NIPBL: variants seen among roughly 807,000 people sequenced by gnomAD.
NIPBL encodes nipped-B-like protein.
A neutral mutation model predicts 321.8 loss-of-function variants in NIPBL; 19 were observed. That is an observed-to-expected ratio of 0.06 (90% CI 0.04 to 0.09). NIPBL has a LOEUF of 0.09. NIPBL is among the 10% of genes least tolerant of loss of function. NIPBL has a pLI of 1.00. For synonymous variants in NIPBL, 1,106 were observed against 1,114.1 expected (o/e 0.99, Z 0.14); for missense variants, 2,210 against 3,327.0 (o/e 0.66, Z 8.26).
In NIPBL at chr5:36,995,056, G is replaced by T. The variant is rs147882915; in HGVS notation, c.3122-566G>T. The T allele has an allele frequency of 2.0e-5, 3 of 152,516 alleles. No homozygotes were observed. The East Asian group carries it at 5.8e-4, about 29-fold the overall frequency. The allele number at this position is 152,516 out of a possible 1,614,324, so 9.4% of individuals were successfully genotyped here. A position where few individuals can be genotyped will look rare whatever the true frequency, so the allele number is the denominator to read the frequency against. On this transcript the variant is annotated intron_variant, in intron 10 of 46. Transcript: ENST00000282516. ...GAAGAAGTTCTCCGTAATGCTAAAGGCATTACCATGCCCTCAAATAGACAG... is the reference window on the plus strand; with the variant it reads ...GAAGAAGTTCTCCGTAATGCTAAAGTCATTACCATGCCCTCAAATAGACAG...
intron 1 of NIPBL, among the ~76,000 whole-genome samples, chr5:36,913,212 G>A (rs148146147): frequency 6.6e-6 from 1 of 152,198 alleles, no homozygotes; most frequent in East Asian, 1.9e-4. Flanking sequence ...ATTTATTGTT[G>A]TATAGGAGAA....
chr5:37,054,363 C>G (rs1753881385), intron 42 of NIPBL, among the ~76,000 whole-genome samples: 1 of 152,108 alleles, frequency 6.6e-6, no homozygotes, highest in Non-Finnish European at 1.5e-5. Context: ...ATATCATTAT[C>G]AGTATTAAGT....
intron 3 of NIPBL, 69 bp from the exon 4 acceptor site, chr5:36,958,033 CTT>C: frequency 7.1e-7 from 1 of 1,414,236 alleles, no homozygotes; most frequent in Non-Finnish European, 9.9e-7. Context: ...GTGTGATTTA[CTT>C]TTATATGATA....
intron 32 of NIPBL, among the ~76,000 whole-genome samples, chr5:37,032,756 C>T (rs1040974540): frequency 1.1e-4 from 17 of 152,114 alleles, no homozygotes; most frequent in Admixed American, 1.0e-3. Context: ...TTCTGGGGAA[C>T]AGAGTGAGAC....
intron 37 of NIPBL, among the ~76,000 whole-genome samples, 179 bp from the exon 38 acceptor site, chr5:37,045,930 T>G (rs1202488099): frequency 6.6e-6 from 1 of 152,348 alleles, no homozygotes; most frequent in East Asian, 1.9e-4. Flanking sequence ...GAAACAAGCT[T>G]CTTTGTCACA....
intron 38 of NIPBL, among the ~76,000 whole-genome samples, chr5:37,047,134 G>C (rs1561209059): frequency 6.6e-6 from 1 of 152,140 alleles, no homozygotes; most frequent in Non-Finnish European, 1.5e-5. Flanking sequence ...TAGATTATAT[G>C]CAAATACTAC....
chr5:36,910,088 G>C (rs1219809376), intron 1 of NIPBL, among the ~76,000 whole-genome samples: 6 of 150,168 alleles, frequency 4.0e-5, no homozygotes, highest in African/African-American at 1.5e-4. Flanking sequence ...AAAAAAAAAA[G>C]AATGTTATGA....
intron 6 of NIPBL, among the ~76,000 whole-genome samples, chr5:36,968,261 A>G (rs1490545368): frequency 6.6e-6 from 1 of 152,124 alleles, no homozygotes; most frequent in African/African-American, 2.4e-5. Context: ...AAGAGCATTC[A>G]GAAAGATTCA....
At chr5:37,000,928 C>T (rs375929516) in intron 13 of NIPBL, 40 bp downstream of exon 13, 31 of 1,587,504 alleles carry the variant, frequency 2.0e-5, no homozygotes, top group Non-Finnish European at 2.7e-5. Context: ...TATTCATATT[C>T]TTCAGCTTCA....
chr5:36,933,228 A>C (rs1198796902), intron 1 of NIPBL, among the ~76,000 whole-genome samples: 2 of 152,058 alleles, frequency 1.3e-5, no homozygotes, highest in Admixed American at 6.6e-5. Flanking sequence ...TATTTTTAGC[A>C]GTGTCATATT....
At chr5:37,013,293 G>A (rs1748440951) in intron 21 of NIPBL, among the ~76,000 whole-genome samples, 1 of 150,048 alleles carries the variant, frequency 6.7e-6, no homozygotes, top group Admixed American at 6.6e-5. Context: ...GGCCAGGCGG[G>A]GGGCTGACCC....
intron 34 of NIPBL, among the ~76,000 whole-genome samples, chr5:37,040,890 T>C (rs1290239767): frequency 1.3e-5 from 2 of 152,232 alleles, no homozygotes; most frequent in Admixed American, 1.3e-4. Flanking sequence ...TAATTCATTA[T>C]TGCTTCAGTT....
intron 11 of NIPBL, 69 bp from the exon 12 acceptor site, chr5:37,000,304 T>G: frequency 6.8e-7 from 1 of 1,480,156 alleles, no homozygotes; most frequent in South Asian, 1.2e-5. Context: ...TGTGATTCAT[T>G]TGTAAAGTAC....
intron 1 of NIPBL, chr5:36,886,367 A>G: frequency 1.4e-6 from 1 of 720,386 alleles, no homozygotes; most frequent in South Asian, 1.4e-5. Flanking sequence ...GAAGATGGCA[A>G]GAACTTCAGT....
In NIPBL at chr5:36,954,462, T is replaced by C. The variant is rs375846196; in HGVS notation, c.64+702T>C. Among the ~76,000 whole-genome samples, 19 of 152,286 alleles carry C rather than the reference T, an allele frequency of 1.2e-4. No homozygotes were observed. The Middle Eastern group carries it at 0.01, about 82-fold the overall frequency. On this transcript the variant is annotated intron_variant, in intron 2 of 46. Transcript: ENST00000282516. ...GCGTAACTAGTTTATGAGGTCTAAATTAACAGGAGAGTGCTGTAGGTGATT... is the reference window on the plus strand; with the variant it reads ...GCGTAACTAGTTTATGAGGTCTAAACTAACAGGAGAGTGCTGTAGGTGATT...
chr5:37,039,272 TAC>T (rs1414670920), intron 34 of NIPBL, among the ~76,000 whole-genome samples: 1 of 150,984 alleles, frequency 6.6e-6, no homozygotes, highest in Non-Finnish European at 1.5e-5. Flanking sequence ...ATATTTTTCA[TAC>T]AGTCTTTTTT....
At chr5:36,936,532 T>A (rs936142616) in intron 1 of NIPBL, among the ~76,000 whole-genome samples, 5 of 152,148 alleles carry the variant, frequency 3.3e-5, no homozygotes, top group African/African-American at 7.2e-5. Flanking sequence ...ATTTGCACAG[T>A]GATGAAATTG....
chr5:36,974,664 A>G (rs1338196880), intron 8 of NIPBL, among the ~76,000 whole-genome samples: 1 of 152,114 alleles, frequency 6.6e-6, no homozygotes, highest in African/African-American at 2.4e-5. Context: ...TTGCTCCCAT[A>G]TCATCTTTAT....
chr5:37,010,290 C>A, intron 21 of NIPBL, 65 bp downstream of exon 21: 1 of 1,278,374 alleles, frequency 7.8e-7, no homozygotes, highest in Non-Finnish European at 1.1e-6. Context: ...TATTCTCTGT[C>A]ATTCTTATAA....
Sources: gnomAD v4.1 joint callset for allele counts (sites outside exome capture counted in the v4.1 genomes callset) on GRCh38, gnomAD v4.1.1 for gene constraint, MANE v1.5 for transcripts, NCBI Gene and HGNC (gene_info 2026-07-23, HGNC 2026-07-21) for gene names.